PDE1A: variants seen among roughly 807,000 people sequenced by gnomAD.
PDE1A encodes the protein phosphodiesterase 1A, also known as dual specificity calcium/calmodulin-dependent 3',5'-cyclic nucleotide phosphodiesterase 1A.
Under a neutral mutation model 61.7 loss-of-function variants are expected in PDE1A, and 35 were observed. That is an observed-to-expected ratio of 0.57 (90% CI 0.43 to 0.75). The LOEUF is 0.75. Ranked by LOEUF, PDE1A falls within the 30% of genes least tolerant of loss-of-function variation. The pLI is 0.00. For synonymous variants in PDE1A, 232 were observed against 213.2 expected (o/e 1.09, Z -0.77); for missense variants, 597 against 630.6 (o/e 0.95, Z 0.57).
intron 2 of PDE1A, among the ~76,000 whole-genome samples, chr2:182,453,698 C>T (rs1328525084): frequency 2.6e-5 from 4 of 152,074 alleles, no homozygotes; most frequent in African/African-American, 7.2e-5. Context: ...GCAGAAAAGG[C>T]CTTTGACAAA....
intron 2 of PDE1A, among the ~76,000 whole-genome samples, chr2:182,517,170 GTA>G (rs1412169409): frequency 6.6e-6 from 1 of 152,114 alleles, no homozygotes; most frequent in Non-Finnish European, 1.5e-5. Flanking sequence ...TTAGAGCTAG[GTA>G]TATCTATGTT....
the PDE1A span, among the ~76,000 whole-genome samples, chr2:182,646,879 A>G: frequency 2.6e-5 from 4 of 152,216 alleles, no homozygotes; most frequent in African/African-American, 9.6e-5. Context: ...GGTGTCAAGA[A>G]AAAGCAGTAA....
At chr2:182,403,287 G>A (rs566522366) in intron 1 of PDE1A, among the ~76,000 whole-genome samples, 23 of 152,206 alleles carry the variant, frequency 1.5e-4, no homozygotes, top group Non-Finnish European at 2.1e-4. Context: ...TCCCATCAAC[G>A]ATAGACTGGA....
the PDE1A span, among the ~76,000 whole-genome samples, chr2:182,689,692 A>T: frequency 7.9e-5 from 12 of 152,344 alleles, no homozygotes; most frequent in South Asian, 1.9e-3. Context: ...GCAGAACTGA[A>T]GGAGATAGAG....
chr2:182,546,936 T>C, the PDE1A span, among the ~76,000 whole-genome samples: 98 of 152,238 alleles, frequency 6.4e-4, no homozygotes, highest in African/African-American at 2.1e-3. Flanking sequence ...TTCCTGTTTT[T>C]ACCTCCAAGT....
At chr2:182,237,359 G>A (rs1690109354) in intron 3 of PDE1A, among the ~76,000 whole-genome samples, 2 of 152,122 alleles carry the variant, frequency 1.3e-5, no homozygotes, top group Admixed American at 6.5e-5. Context: ...AGCCGTGCGT[G>A]GTGGCATGCG....
intron 13 of PDE1A, among the ~76,000 whole-genome samples, chr2:182,184,074 A>G (rs1224026690): frequency 1.3e-5 from 2 of 152,078 alleles, no homozygotes; most frequent in Non-Finnish European, 2.9e-5. Context: ...AGAAATTGAC[A>G]GAGATCCAGA....
upstream of PDE1A, among the ~76,000 whole-genome samples, chr2:182,429,597 A>G (rs955719804): frequency 2.0e-5 from 3 of 152,128 alleles, no homozygotes; most frequent in Admixed American, 1.3e-4. Context: ...CTGGTGCTCA[A>G]TAAATATGTT....
At chr2:182,371,033 A>G (rs1700102066) in intron 1 of PDE1A, among the ~76,000 whole-genome samples, 1 of 152,202 alleles carries the variant, frequency 6.6e-6, no homozygotes, top group African/African-American at 2.4e-5. Context: ...TGAGAAATAC[A>G]AAGAAAAAGT....
At chr2:182,564,380 G>GC in the PDE1A span, among the ~76,000 whole-genome samples, 2 of 152,082 alleles carry the variant, frequency 1.3e-5, no homozygotes, top group African/African-American at 2.4e-5. Context: ...TTGAATATTG[G>GC]CCCCCACTCT....
chr2:182,288,326 G>A (rs1339315389), intron 1 of PDE1A, among the ~76,000 whole-genome samples: 1 of 152,036 alleles, frequency 6.6e-6, no homozygotes, highest in East Asian at 1.9e-4. Context: ...AAAGGTAATC[G>A]CCGTACACAG....
chr2:182,245,224 T>C (rs989109479), intron 2 of PDE1A, among the ~76,000 whole-genome samples: 1 of 152,136 alleles, frequency 6.6e-6, no homozygotes, highest in African/African-American at 2.4e-5. Context: ...AAAAATCGAG[T>C]GTATAGTACA....
intron 13 of PDE1A, among the ~76,000 whole-genome samples, chr2:182,170,061 G>T (rs541880179): frequency 6.6e-6 from 1 of 151,966 alleles, no homozygotes; most frequent in Non-Finnish European, 1.5e-5. Flanking sequence ...TAGATTTTGA[G>T]CACACTTTTT....
At chr2:182,679,674 C>A in the PDE1A span, among the ~76,000 whole-genome samples, 3 of 151,980 alleles carry the variant, frequency 2.0e-5, no homozygotes, top group East Asian at 5.8e-4. Flanking sequence ...CTGAAAAAAA[C>A]ACAAATATAG....
intron 2 of PDE1A, among the ~76,000 whole-genome samples, chr2:182,242,776 A>C (rs1690620622): frequency 6.6e-6 from 1 of 152,182 alleles, no homozygotes; most frequent in African/African-American, 2.4e-5. Flanking sequence ...CAGGGTTTCC[A>C]GCCTGCCAGT....
intron 1 of PDE1A, among the ~76,000 whole-genome samples, chr2:182,297,216 G>T (rs1056420892): frequency 2.0e-5 from 3 of 151,942 alleles, no homozygotes; most frequent in East Asian, 1.9e-4. Flanking sequence ...CAGTTACAGG[G>T]TTATAAAAAC....
At chr2:182,424,248 T>G (rs1703468167) in intron 1 of PDE1A, among the ~76,000 whole-genome samples, 1 of 152,156 alleles carries the variant, frequency 6.6e-6, no homozygotes, top group Non-Finnish European at 1.5e-5. Context: ...CCCGGCCAAA[T>G]ATTTCTTAAT....
intron 1 of PDE1A, among the ~76,000 whole-genome samples, chr2:182,275,841 C>T (rs1693371606): frequency 1.3e-5 from 2 of 152,062 alleles, no homozygotes; most frequent in Non-Finnish European, 2.9e-5. Context: ...GTCATAACTT[C>T]TTACTGATTC....
chr2:182,500,213 A>G (rs1343626160), intron 2 of PDE1A, among the ~76,000 whole-genome samples: 3 of 152,182 alleles, frequency 2.0e-5, no homozygotes, highest in African/African-American at 7.2e-5. Flanking sequence ...ATAGGAACAT[A>G]TTCATACTTT....
Sources: allele counts gnomAD v4.1 joint callset (sites outside exome capture counted in the v4.1 genomes callset), GRCh38; gene constraint gnomAD v4.1.1; transcripts MANE v1.5; gene names NCBI Gene and HGNC (gene_info 2026-07-23, HGNC 2026-07-21).